Variants in FBXO25 observed in about 807,000 individuals in gnomAD.
FBXO25 encodes the protein F-box protein 25, also known as F-box only protein 25.
In FBXO25, 45 loss-of-function variants were observed where a neutral mutation model predicts 51.9. The observed-to-expected ratio is 0.87, with a 90% CI of 0.68 to 1.11. FBXO25 has a LOEUF of 1.11. Ranked by LOEUF, FBXO25 falls within the 50% of genes most tolerant of loss-of-function variation. The pLI, the probability that FBXO25 is intolerant of heterozygous loss-of-function variation, is 0.00. For synonymous variants in FBXO25, 199 were observed against 151.0 expected (o/e 1.32, Z -2.33); for missense variants, 507 against 428.5 (o/e 1.18, Z -1.62).
At chr8:468,291 G>T in intron 9 of FBXO25, 1 of 1,015,576 alleles carries the variant, frequency 9.8e-7, no homozygotes, top group Non-Finnish European at 1.2e-6. Context: ...AGGGATGAAT[G>T]GCGGGTGGAG....
intron 1 of FBXO25, among the ~76,000 whole-genome samples, chr8:412,813 G>C (rs1796563734): frequency 6.6e-6 from 1 of 152,112 alleles, no homozygotes. Flanking sequence ...TCAGGTATGA[G>C]CTAGAATGTC....
intron 2 of FBXO25, chr8:420,582 A>T (rs1299970845): frequency 1.3e-5 from 2 of 152,260 alleles, no homozygotes. Flanking sequence ...ACATCTCTAC[A>T]GGAGAATACC....
chr8:464,324 C>A (rs190289134), intron 9 of FBXO25, among the ~76,000 whole-genome samples: 251 of 140,268 alleles, frequency 1.8e-3, no homozygotes, highest in African/African-American at 7.2e-3. Context: ...GTTTGCCTTG[C>A]GTTTGAACAT....
intron 2 of FBXO25, among the ~76,000 whole-genome samples, chr8:425,934 G>A (rs895968965): frequency 7.0e-5 from 10 of 143,064 alleles, no homozygotes; most frequent in Non-Finnish European, 1.2e-4. Context: ...TGCCTTTATA[G>A]CAAACACTTA....
intron 5 of FBXO25, among the ~76,000 whole-genome samples, chr8:441,847 A>G (rs899716737): frequency 4.9e-4 from 74 of 152,364 alleles, no homozygotes; most frequent in Middle Eastern, 3.4e-3. Context: ...ATCATTAAAA[A>G]GTCAGGAAAC....
At chr8:454,627 C>G (rs1318198795) in intron 7 of FBXO25, among the ~76,000 whole-genome samples, 1 of 152,158 alleles carries the variant, frequency 6.6e-6, no homozygotes, top group East Asian at 1.9e-4. Flanking sequence ...CGCGATGGCT[C>G]ACGCCAGTAG....
At chr8:457,596 G>T (rs1448160146) in intron 7 of FBXO25, among the ~76,000 whole-genome samples, 1 of 152,160 alleles carries the variant, frequency 6.6e-6, no homozygotes, top group Non-Finnish European at 1.5e-5. Context: ...GGAGTCCATT[G>T]TGGAGGTTGT....
At chr8:447,024 G>C (rs1279724593) in intron 5 of FBXO25, among the ~76,000 whole-genome samples, 1 of 152,210 alleles carries the variant, frequency 6.6e-6, no homozygotes, top group Non-Finnish European at 1.5e-5. Flanking sequence ...CCTGGGCAGT[G>C]ATACTATAGG....
chr8:408,063 C>G (rs1332027369), intron 1 of FBXO25, among the ~76,000 whole-genome samples: 2 of 152,166 alleles, frequency 1.3e-5, no homozygotes, highest in African/African-American at 2.4e-5. Flanking sequence ...ACGTGTTTAC[C>G]TTTCCCATGA....
intron 8 of FBXO25, among the ~76,000 whole-genome samples, chr8:459,092 C>A (rs1358952518): frequency 6.6e-6 from 1 of 152,192 alleles, no homozygotes; most frequent in East Asian, 1.9e-4. Context: ...TATTCCTCAT[C>A]CACGATGAGA....
At chr8:435,577 C>G (rs762697852) in intron 4 of FBXO25, 38 bp from the exon 5 acceptor site, 2 of 1,588,808 alleles carry the variant, frequency 1.3e-6, no homozygotes, top group African/African-American at 2.7e-5. Context: ...TTCTTTTTGG[C>G]TAATTGACTA....
At chr8:428,426 C>G (rs936675128) in intron 2 of FBXO25, among the ~76,000 whole-genome samples, 3 of 152,030 alleles carry the variant, frequency 2.0e-5, no homozygotes, top group Non-Finnish European at 2.9e-5. Flanking sequence ...GTTTTTAACA[C>G]TTCCCGCCCC....
At chr8:446,976 C>G (rs1404314839) in intron 5 of FBXO25, among the ~76,000 whole-genome samples, 1 of 152,152 alleles carries the variant, frequency 6.6e-6, no homozygotes, top group Non-Finnish European at 1.5e-5. Flanking sequence ...AATTCACAGA[C>G]TCTAAAATGT....
chr8:472,698 C>CT lies in FBXO25; in HGVS notation c.*3897dup, dbSNP rs1360484246. On this transcript the variant is annotated 3_prime_UTR_variant, in exon 10 of 10. Coordinates refer to ENST00000350302, the MANE Select transcript of FBXO25 (RefSeq NM_183420.2). ...AAGTCACTGAGAAGCTTCAATTATC[C>CT]TTTAAGAGGATAAGACCATTTTCTC... 6.6e-6 allele frequency: 1 copy of CT among 152,208 alleles called. No homozygotes were observed. The highest frequency in any genetic ancestry group is 1.9e-4 in the East Asian group (1 of 5,208). 9.4% of individuals were successfully genotyped at this position (152,208 alleles called of 1,614,324 possible).
At chr8:416,515 A>AC (rs1475910830) in intron 2 of FBXO25, among the ~76,000 whole-genome samples, 2 of 152,078 alleles carry the variant, frequency 1.3e-5, no homozygotes, top group Non-Finnish European at 2.9e-5. Flanking sequence ...CCTGTTGATT[A>AC]CCCCCAGGGG....
At chr8:441,962 C>G (rs1331017954) in intron 5 of FBXO25, among the ~76,000 whole-genome samples, 1 of 152,162 alleles carries the variant, frequency 6.6e-6, no homozygotes, top group Non-Finnish European at 1.5e-5. Flanking sequence ...CCTCAAGGAT[C>G]TAGAACCAGA....
intron 8 of FBXO25, among the ~76,000 whole-genome samples, chr8:459,776 C>T (rs1432238360): frequency 6.6e-6 from 1 of 152,148 alleles, no homozygotes; most frequent in Non-Finnish European, 1.5e-5. Context: ...TCAGCCTGGG[C>T]AGGGCCTCAG....
At chr8:461,782 C>A (rs952975415) in intron 8 of FBXO25, among the ~76,000 whole-genome samples, 1 of 152,196 alleles carries the variant, frequency 6.6e-6, no homozygotes, top group Non-Finnish European at 1.5e-5. Context: ...TGACTGGCTT[C>A]TTACCCTTTG....
chr8:422,080 T>C (rs1438433084), intron 2 of FBXO25, among the ~76,000 whole-genome samples: 1 of 152,180 alleles, frequency 6.6e-6, no homozygotes, highest in Non-Finnish European at 1.5e-5. Flanking sequence ...ATAAGCACAG[T>C]CCCTTGACAG....
Sources: allele counts gnomAD v4.1 joint callset (sites outside exome capture counted in the v4.1 genomes callset), GRCh38; gene constraint gnomAD v4.1.1; transcripts MANE v1.5; gene names NCBI Gene and HGNC (gene_info 2026-07-23, HGNC 2026-07-21).